SLC12A5: variants seen among roughly 807,000 people sequenced by gnomAD.
The protein encoded by SLC12A5 is solute carrier family 12 member 5.
SLC12A5 carries 18 observed loss-of-function variants against 124.0 expected under a neutral mutation model. The observed-to-expected ratio is 0.15, with a 90% CI of 0.10 to 0.22. The LOEUF is 0.22. Among genes scored for constraint, SLC12A5 ranks in the 10% least tolerant of loss-of-function variants. The pLI is 1.00. For synonymous variants in SLC12A5, 589 were observed against 568.0 expected (o/e 1.04, Z -0.53); for missense variants, 867 against 1,478.7 (o/e 0.59, Z 6.78).
chr20:46,059,692 T>C lies in SLC12A5; in HGVS notation c.*2087T>C. On this transcript the variant is annotated 3_prime_UTR_variant, in exon 26 of 26. Transcript: ENST00000243964. ...TCTGTGCTACATGTGCAATATTTGT[T>C]ATGAATGTTATCACAAGTCATTCAT... The C allele has an allele frequency of 2.5e-6, 1 of 399,086 alleles. No individual in the cohort carries two copies. The highest frequency in any genetic ancestry group is 4.4e-6 in the Non-Finnish European group (1 of 226,074). The allele number at this position is 399,086 out of a possible 1,614,324, so 24.7% of individuals were successfully genotyped here. A position where few individuals can be genotyped will look rare whatever the true frequency, so the allele number is the denominator to read the frequency against.
At chr20:46,049,399 A>G (rs543511624) in intron 16 of SLC12A5, among the ~76,000 whole-genome samples, 1 of 152,292 alleles carries the variant, frequency 6.6e-6, no homozygotes, top group East Asian at 1.9e-4. Context: ...TGGATGACTG[A>G]AGGATAAAAT....
In SLC12A5 at chr20:46,046,376, G is replaced by A; in HGVS notation, c.1727G>A (p.Cys576Tyr). 6.2e-7 allele frequency: 1 copy of A among 1,614,124 alleles called. No homozygotes were observed. The highest frequency in any genetic ancestry group is 8.5e-7 in the Non-Finnish European group (1 of 1,180,026). The change falls in exon 14 of 26, where the codon TGT becomes TAT. Residue 576 changes from cysteine to tyrosine, a missense_variant. Cys to Tyr is a radical substitution (Grantham distance 194, BLOSUM62 -2). Coordinates refer to ENST00000243964, the MANE Select transcript of SLC12A5 (RefSeq NM_020708.5). ...TGCTACATGTTTGTGAATCTGGCCTGTGCAGTGCAGACGCTGCTGAGGACA... is the reference window on the plus strand; with the variant it reads ...TGCTACATGTTTGTGAATCTGGCCTATGCAGTGCAGACGCTGCTGAGGACA... ...LMCYMFVNLA[C>Y]AVQTLLRTPN...
chr20:46,049,547 C>G, intron 16 of SLC12A5, 75 bp from the exon 17 acceptor site: 1 of 1,523,070 alleles, frequency 6.6e-7, no homozygotes, highest in Non-Finnish European at 8.9e-7. Flanking sequence ...GGCTAGATGA[C>G]CTGGTGGTGG....
chr20:46,035,784 G>T lies in SLC12A5; in HGVS notation c.287G>T (p.Arg96Leu), dbSNP rs756873079. The T allele has an allele frequency of 6.2e-7, 1 of 1,612,304 alleles. No homozygotes were observed. The highest frequency in any genetic ancestry group is 8.5e-7 in the Non-Finnish European group (1 of 1,178,854). The part of the protein sequence containing the change: ...GGKKKPVQAP[R>L]MGTFMGVYLP... ...TGCTGGCCTCCCTGGCAGGCCCCAC[G>T]CATGGGCACCTTCATGGGCGTGTAC... The change falls in exon 4 of 26, where the codon CGC (arginine) becomes CTC (leucine). Residue 96 changes from arginine (R) to leucine (L), a missense_variant. Coordinates refer to ENST00000243964, the MANE Select transcript of SLC12A5 (RefSeq NM_020708.5).
chr20:46,039,172 C>G (rs1045060271), intron 6 of SLC12A5, among the ~76,000 whole-genome samples: 4 of 152,132 alleles, frequency 2.6e-5, no homozygotes, highest in Non-Finnish European at 5.9e-5. Flanking sequence ...AACTCATATT[C>G]TCTTTGTATA....
At chr20:46,055,045 C>A in intron 21 of SLC12A5, 22 bp downstream of exon 21, 1 of 1,584,974 alleles carries the variant, frequency 6.3e-7, no homozygotes, top group Non-Finnish European at 8.7e-7. Flanking sequence ...CTGGCTGGCC[C>A]CTGAGAGCCT....
intron 8 of SLC12A5, among the ~76,000 whole-genome samples, chr20:46,041,926 C>CGGT (rs1555863793): frequency 6.6e-6 from 1 of 151,136 alleles, no homozygotes; most frequent in Admixed American, 6.6e-5. Flanking sequence ...AGAGAATGCC[C>CGGT]GGGGGGGGAG....
chr20:46,057,834 C>G lies in SLC12A5; in HGVS notation c.*229C>G. 4.2e-6 allele frequency: 2 copies of G among 475,920 alleles called. No individual in the cohort carries two copies. The highest frequency in any genetic ancestry group is 7.4e-6 in the Non-Finnish European group (2 of 271,924). 29.5% of individuals were successfully genotyped at this position (475,920 alleles called of 1,614,324 possible). ...AGTGCCAGTTTGGCCCCTGGGTCTT[C>G]GCTGCCCTTTTTCTAAGCCCGGCCT... is the stretch of plus-strand genomic sequence containing the variant. On this transcript the variant is annotated 3_prime_UTR_variant, in exon 26 of 26. Transcript: ENST00000243964. The surrounding 1 kb of genome is among the most constrained non-coding windows in gnomAD (Gnocchi z 7.1).
At chr20:46,035,584 G>GTGGGGGAGGA (rs2084490783) in intron 3 of SLC12A5, 49 bp downstream of exon 3, 3 of 1,557,386 alleles carry the variant, frequency 1.9e-6, no homozygotes, top group Admixed American at 1.9e-5. Flanking sequence ...CGGATGGGGG[G>GTGGGGGAGGA]TGGGGGAGGA....
intron 16 of SLC12A5, 50 bp from the exon 17 acceptor site, chr20:46,049,572 G>T: frequency 6.4e-7 from 1 of 1,561,940 alleles, no homozygotes; most frequent in Admixed American, 1.9e-5. Flanking sequence ...ATGGTGTGTG[G>T]ATGGTTGGTT....
chr20:46,041,883 A>C (rs1356126947), intron 8 of SLC12A5, among the ~76,000 whole-genome samples: 1 of 152,078 alleles, frequency 6.6e-6, no homozygotes, highest in African/African-American at 2.4e-5. Context: ...TAGCAAATAC[A>C]TTATGCCATA....
intron 16 of SLC12A5, among the ~76,000 whole-genome samples, chr20:46,048,649 T>G (rs2084620854): frequency 6.6e-6 from 1 of 152,022 alleles, no homozygotes. Flanking sequence ...GGCAGGTGGA[T>G]CACTTGAGGC....
chr20:46,029,162 G>A (rs956241258), upstream of SLC12A5: 169 of 1,406,756 alleles, frequency 1.2e-4, no homozygotes, highest in Non-Finnish European at 1.4e-4. Flanking sequence ...GGGGGCGCGC[G>A]CGGGTGTGAG....
chr20:46,041,973 C>T (rs58662671), intron 8 of SLC12A5, among the ~76,000 whole-genome samples: 1 of 151,994 alleles, frequency 6.6e-6, no homozygotes, highest in Non-Finnish European at 1.5e-5. Flanking sequence ...GCTTCCTGGA[C>T]TCAACTGAGG....
chr20:46,036,426 A>G (rs928915905), intron 4 of SLC12A5: 158 of 312,272 alleles, frequency 5.1e-4, no homozygotes, highest in Admixed American at 1.1e-3. Context: ...CTCCTATTCT[A>G]TAGATGGAGA....
intron 6 of SLC12A5, among the ~76,000 whole-genome samples, chr20:46,039,103 T>C (rs935532856): frequency 3.9e-5 from 6 of 152,356 alleles, no homozygotes; most frequent in African/African-American, 1.2e-4. Flanking sequence ...CCTTCTAGTT[T>C]TTGTTTTTCT....
intron 1 of SLC12A5, among the ~76,000 whole-genome samples, chr20:46,031,495 T>C (rs2084448898): frequency 6.6e-6 from 1 of 152,072 alleles, no homozygotes; most frequent in African/African-American, 2.4e-5. Context: ...TGATTCTAGA[T>C]TCTTGGGGAT....
intron 6 of SLC12A5, among the ~76,000 whole-genome samples, chr20:46,040,111 T>C (rs1306141131): frequency 2.6e-5 from 4 of 152,320 alleles, no homozygotes; most frequent in South Asian, 4.1e-4. Flanking sequence ...CAAGTGATCC[T>C]CCCACCTTGG....
intron 1 of SLC12A5, among the ~76,000 whole-genome samples, chr20:46,034,643 G>C (rs895400547): frequency 6.6e-6 from 1 of 152,136 alleles, no homozygotes; most frequent in African/African-American, 2.4e-5. Context: ...CCAAACACCG[G>C]TATGAGCCCA....
Sources: gnomAD v4.1 joint callset for allele counts (sites outside exome capture counted in the v4.1 genomes callset) on GRCh38, gnomAD v4.1.1 for gene constraint, Gnocchi (gnomAD v3.1) non-coding constraint, MANE v1.5 for transcripts, NCBI Gene and HGNC (gene_info 2026-07-23, HGNC 2026-07-21) for gene names.